Variants in ERBB4 observed in about 807,000 individuals in gnomAD.
ERBB4 encodes the protein receptor tyrosine-protein kinase erbB-4.
In ERBB4, 42 loss-of-function variants were observed where a neutral mutation model predicts 158.0. That is an observed-to-expected ratio of 0.27 (90% CI 0.21 to 0.34). ERBB4 has a LOEUF of 0.34. Among genes scored for constraint, ERBB4 ranks in the 10% least tolerant of loss-of-function variants. The pLI, the probability that ERBB4 is intolerant of heterozygous loss-of-function variation, is 1.00. For synonymous variants in ERBB4, 583 were observed against 558.7 expected (o/e 1.04, Z -0.61); for missense variants, 1,333 against 1,624.1 (o/e 0.82, Z 3.08).
chr2:212,391,004 AAT>A (rs1375905323), intron 1 of ERBB4, among the ~76,000 whole-genome samples: 1 of 151,798 alleles, frequency 6.6e-6, no homozygotes, highest in African/African-American at 2.4e-5. Context: ...AAATTCCTAA[AAT>A]ATGTGAAAGT....
chr2:212,533,899 T>A (rs1376407858), intron 1 of ERBB4, among the ~76,000 whole-genome samples: 1 of 152,210 alleles, frequency 6.6e-6, no homozygotes, highest in African/African-American at 2.4e-5. Flanking sequence ...GTAGAACAGA[T>A]GTAGGCTTGA....
chr2:212,404,115 C>T (rs148726074), intron 1 of ERBB4, among the ~76,000 whole-genome samples: 223 of 151,978 alleles, frequency 1.5e-3, no homozygotes, highest in African/African-American at 4.4e-3. Context: ...TTTATTCACA[C>T]GAGCCATGAG....
intron 3 of ERBB4, among the ~76,000 whole-genome samples, chr2:211,840,575 G>T (rs78500649): frequency 0.047 from 7,107 of 152,090 alleles, 258 homozygotes; most frequent in Middle Eastern, 0.068. Flanking sequence ...TTTAAAAAAG[G>T]TTCTTCAGAA....
intron 2 of ERBB4, among the ~76,000 whole-genome samples, chr2:212,055,780 A>G (rs10185260): frequency 0.88 from 133,448 of 152,280 alleles, 60,862 homozygotes; most frequent in East Asian, 1. Flanking sequence ...CCATCTGTAC[A>G]TCACCATCAT....
intron 19 of ERBB4, among the ~76,000 whole-genome samples, chr2:211,565,513 A>C (rs372485143): frequency 1.3e-5 from 2 of 152,202 alleles, no homozygotes; most frequent in East Asian, 3.9e-4. Flanking sequence ...AAATGGGGGC[A>C]GGGAAGGGAC....
chr2:212,331,728 T>C (rs1051008205), intron 1 of ERBB4, among the ~76,000 whole-genome samples: 6 of 152,076 alleles, frequency 3.9e-5, no homozygotes, highest in African/African-American at 1.4e-4. Flanking sequence ...GTACAGATTT[T>C]AAATACAAAT....
chr2:212,164,551 G>A (rs1321057359), intron 1 of ERBB4, among the ~76,000 whole-genome samples: 5 of 151,716 alleles, frequency 3.3e-5, no homozygotes. Flanking sequence ...CAAAAAAGGG[G>A]GGAAGGAAAA....
chr2:212,315,892 G>A (rs1346260444), intron 1 of ERBB4, among the ~76,000 whole-genome samples: 1 of 151,416 alleles, frequency 6.6e-6, no homozygotes, highest in East Asian at 2.0e-4. Flanking sequence ...GAAGACATAT[G>A]TACATTACAA....
intron 19 of ERBB4, among the ~76,000 whole-genome samples, chr2:211,576,477 A>C (rs925760608): frequency 2.6e-5 from 4 of 152,134 alleles, no homozygotes; most frequent in Admixed American, 2.6e-4. Flanking sequence ...AGCAACTTCA[A>C]ACAGTAGTGC....
chr2:211,946,721 T>C (rs73079305), intron 3 of ERBB4, among the ~76,000 whole-genome samples: 6,785 of 151,536 alleles, frequency 0.045, 243 homozygotes, highest in African/African-American at 0.097. Context: ...AAATTCATTA[T>C]ACCAAAAAGC....
chr2:211,740,892 G>A (rs1335132759), intron 5 of ERBB4, among the ~76,000 whole-genome samples: 1 of 152,094 alleles, frequency 6.6e-6, no homozygotes, highest in Non-Finnish European at 1.5e-5. Context: ...TTACAGGCGT[G>A]AGCCACTGCG....
At chr2:211,390,168 C>T (rs1471988382) in intron 25 of ERBB4, among the ~76,000 whole-genome samples, 1 of 152,176 alleles carries the variant, frequency 6.6e-6, no homozygotes, top group Non-Finnish European at 1.5e-5. Flanking sequence ...CATCATTAAA[C>T]ACCAATTATT....
chr2:211,639,753 A>C (rs1178943467), intron 16 of ERBB4, among the ~76,000 whole-genome samples: 1 of 151,922 alleles, frequency 6.6e-6, no homozygotes, highest in South Asian at 2.1e-4. Flanking sequence ...AAGGAGTCTT[A>C]CTCTGTTCCC....
At chr2:211,765,071 G>A (rs918606217) in intron 4 of ERBB4, among the ~76,000 whole-genome samples, 5 of 152,010 alleles carry the variant, frequency 3.3e-5, no homozygotes, top group Non-Finnish European at 7.4e-5. Flanking sequence ...CATGGAAAAA[G>A]GTGCCCCTCC....
chr2:211,868,893 T>C lies in ERBB4; in HGVS notation c.421+78537A>G, dbSNP rs778096684. On this transcript the variant is annotated intron_variant, in intron 3 of 27. Transcript: ENST00000342788. ...TACTTTCACTATGTCTAAGTCCCAA[T>C]TTTCCTTACCTCTCAATAAATCTAT... is the stretch of plus-strand genomic sequence containing the variant. Among the ~76,000 whole-genome samples the C allele has an allele frequency of 4.6e-5, 7 of 152,204 alleles. No homozygotes were observed. In the South Asian group the frequency reaches 1.4e-3, roughly 31 times the overall value.
At chr2:212,071,313 G>A (rs1406966103) in intron 2 of ERBB4, among the ~76,000 whole-genome samples, 1 of 146,256 alleles carries the variant, frequency 6.8e-6, no homozygotes, top group African/African-American at 2.5e-5. Flanking sequence ...CAGAAGAAAT[G>A]AAAAAAAAAA....
In ERBB4 at chr2:211,891,709, A is replaced by G. The variant is rs1175262949; in HGVS notation, c.421+55721T>C. Reference sequence around the variant, plus strand: ...AGAAGAATCAAATAGACACAATAAAAAATGATAAACGGGATATCACCACCG... The same window carrying G: ...AGAAGAATCAAATAGACACAATAAAGAATGATAAACGGGATATCACCACCG... On this transcript the variant is annotated intron_variant, in intron 3 of 27. Transcript: ENST00000342788. 1.4e-5 allele frequency among the ~76,000 whole-genome samples: 2 copies of G among 138,296 alleles called. 1 individual carries two copies. The highest frequency in any genetic ancestry group is 3.1e-5 in the Non-Finnish European group (2 of 64,608). 90.7% of individuals were successfully genotyped at this position (138,296 alleles called of 152,430 possible).
At chr2:211,887,485 T>C (rs1374311580) in intron 3 of ERBB4, among the ~76,000 whole-genome samples, 1 of 152,176 alleles carries the variant, frequency 6.6e-6, no homozygotes, top group African/African-American at 2.4e-5. Flanking sequence ...AAAATTCAAC[T>C]AGATCCTAAT....
At chr2:212,298,034 T>C (rs1326617328) in intron 1 of ERBB4, among the ~76,000 whole-genome samples, 1 of 151,818 alleles carries the variant, frequency 6.6e-6, no homozygotes, top group Non-Finnish European at 1.5e-5. Flanking sequence ...TATGTTTTGT[T>C]TGAAATGTAA....
Sources: gnomAD v4.1 joint callset for allele counts (sites outside exome capture counted in the v4.1 genomes callset) on GRCh38, gnomAD v4.1.1 for gene constraint, MANE v1.5 for transcripts, NCBI Gene and HGNC (gene_info 2026-07-23, HGNC 2026-07-21) for gene names.